SUSD6: variants seen among roughly 807,000 people sequenced by gnomAD.
SUSD6 encodes sushi domain containing 6.
In SUSD6, 16 loss-of-function variants were observed where a neutral mutation model predicts 28.4. The observed-to-expected ratio is 0.56, with a 90% confidence interval of 0.38 to 0.86. The LOEUF (loss-of-function observed/expected upper bound fraction) is 0.86. Ranked by LOEUF, SUSD6 falls within the 40% of genes least tolerant of loss-of-function variation. The pLI, the probability that SUSD6 is intolerant of heterozygous loss-of-function variation, is 0.00. For synonymous variants in SUSD6, 147 were observed against 159.6 expected (o/e 0.92, Z 0.59); for missense variants, 341 against 384.2 (o/e 0.89, Z 0.94).
At chr14:69,692,463 A>C (rs55959724) in intron 2 of SUSD6, among the ~76,000 whole-genome samples, 5,866 of 152,172 alleles carry the variant, frequency 0.039, 378 homozygotes, top group African/African-American at 0.13. Flanking sequence ...TCCATTACTA[A>C]ATTTTTCAGA....
At chr14:69,634,308 T>C (rs1230729318) in intron 1 of SUSD6, among the ~76,000 whole-genome samples, 2 of 152,228 alleles carry the variant, frequency 1.3e-5, no homozygotes, top group African/African-American at 4.8e-5. Flanking sequence ...TTTATTTGTA[T>C]TATTGGCACT....
intron 2 of SUSD6, among the ~76,000 whole-genome samples, chr14:69,662,226 A>G (rs1389105948): frequency 6.6e-6 from 1 of 152,196 alleles, no homozygotes; most frequent in Non-Finnish European, 1.5e-5. Flanking sequence ...GTGTACAGGC[A>G]CATTCATGAC....
chr14:69,670,406 A>G (rs1425543114), intron 2 of SUSD6: 3 of 455,662 alleles, frequency 6.6e-6, no homozygotes, highest in Non-Finnish European at 8.8e-6. Context: ...TCAGGAAAGT[A>G]CTGCACTACA....
intron 2 of SUSD6, among the ~76,000 whole-genome samples, chr14:69,689,573 A>G (rs538960800): frequency 1.3e-5 from 2 of 152,310 alleles, no homozygotes; most frequent in East Asian, 3.9e-4. Flanking sequence ...AGCCTAACAC[A>G]TAGTGCTTAA....
At chr14:69,627,407 C>G (rs899438840) in intron 1 of SUSD6, among the ~76,000 whole-genome samples, 1 of 152,212 alleles carries the variant, frequency 6.6e-6, no homozygotes, top group Non-Finnish European at 1.5e-5. Context: ...TAGGGACATA[C>G]TGTAGGCAGT....
intron 2 of SUSD6, among the ~76,000 whole-genome samples, chr14:69,689,167 C>A (rs1407891844): frequency 1.3e-5 from 2 of 152,210 alleles, no homozygotes; most frequent in African/African-American, 4.8e-5. Flanking sequence ...TTTCTACAAT[C>A]TTCTTTGGTC....
chr14:69,614,697 C>T (rs1247196533), intron 1 of SUSD6, among the ~76,000 whole-genome samples: 2 of 152,066 alleles, frequency 1.3e-5, no homozygotes, highest in East Asian at 1.9e-4. Context: ...GGGAGAAATA[C>T]AGCATCTTTA....
At chr14:69,682,550 AAAAC>A (rs1886011899) in intron 2 of SUSD6, among the ~76,000 whole-genome samples, 1 of 152,200 alleles carries the variant, frequency 6.6e-6, no homozygotes, top group African/African-American at 2.4e-5. Flanking sequence ...CAATTAAAAA[AAAAC>A]AGAGTATAGT....
rs115843875 is a variant in SUSD6 at position 69,703,712 on chromosome 14, T to C, written c.319+120T>C. 1,375 of 858,930 alleles carry C rather than the reference T, an allele frequency of 1.6e-3. 13 individuals are homozygous for C. The African/African-American group carries it at 0.021, about 13-fold the overall frequency. 53.2% of individuals were successfully genotyped at this position (858,930 alleles called of 1,614,324 possible). A position where few individuals can be genotyped will look rare whatever the true frequency, so the allele number is the denominator to read the frequency against. ...TGTGGTGCAGCCCAGCCCCAGTTGA[T>C]GCTCTGCAGCCTCCCTTCCTTGGGT... On this transcript the variant is annotated intron_variant, in intron 3 of 5. Transcript: ENST00000342745.
intron 1 of SUSD6, among the ~76,000 whole-genome samples, chr14:69,629,294 A>T (rs1885160450): frequency 6.6e-6 from 1 of 152,128 alleles, no homozygotes; most frequent in Admixed American, 6.5e-5. Flanking sequence ...GATGGACCAG[A>T]GGAGCCTGGA....
chr14:69,704,297 G>A (rs551470056), intron 3 of SUSD6, among the ~76,000 whole-genome samples: 1 of 152,294 alleles, frequency 6.6e-6, no homozygotes, highest in East Asian at 1.9e-4. Context: ...AAGCTTTTGA[G>A]GATGGGATCA....
At chr14:69,710,319 T>A (rs888601367) in intron 5 of SUSD6, among the ~76,000 whole-genome samples, 12 of 152,318 alleles carry the variant, frequency 7.9e-5, no homozygotes, top group African/African-American at 2.6e-4. Context: ...TCAGGGGTGA[T>A]ACAGAGAAAT....
At chr14:69,642,174 A>C (rs1277594905) in intron 1 of SUSD6, among the ~76,000 whole-genome samples, 3 of 152,146 alleles carry the variant, frequency 2.0e-5, no homozygotes, top group Non-Finnish European at 4.4e-5. Context: ...TATTTTTTAA[A>C]ATACTTTTGG....
intron 2 of SUSD6, among the ~76,000 whole-genome samples, chr14:69,677,842 G>A (rs1323041825): frequency 2.0e-5 from 3 of 152,274 alleles, no homozygotes; most frequent in East Asian, 1.9e-4. Flanking sequence ...TAGGTTGGAG[G>A]CATTGTAAAA....
At chr14:69,702,248 G>A (rs1446247374) in intron 2 of SUSD6, among the ~76,000 whole-genome samples, 1 of 152,198 alleles carries the variant, frequency 6.6e-6, no homozygotes, top group Non-Finnish European at 1.5e-5. Context: ...GGTCTTTATT[G>A]CATTCATGGT....
intron 1 of SUSD6, among the ~76,000 whole-genome samples, chr14:69,635,148 A>G (rs1003847181): frequency 2.0e-5 from 3 of 152,206 alleles, no homozygotes; most frequent in Admixed American, 6.5e-5. Context: ...AGTTCTTTCT[A>G]AGGCTCCCAG....
intron 1 of SUSD6, among the ~76,000 whole-genome samples, chr14:69,620,886 A>AG (rs1491281146): frequency 9.2e-5 from 14 of 152,224 alleles, no homozygotes; most frequent in Admixed American, 9.2e-4. Context: ...AAGGGGAATA[A>AG]GAGGATCAGT....
intron 1 of SUSD6, among the ~76,000 whole-genome samples, chr14:69,637,334 AC>A (rs1366346725): frequency 6.6e-6 from 1 of 151,850 alleles, no homozygotes; most frequent in African/African-American, 2.4e-5. Context: ...GTTCTTCCTG[AC>A]CTTACCTGAG....
At chr14:69,671,156 A>G (rs1885826197) in intron 2 of SUSD6, among the ~76,000 whole-genome samples, 2 of 152,350 alleles carry the variant, frequency 1.3e-5, no homozygotes, top group Admixed American at 1.3e-4. Flanking sequence ...AGGAGGAAGA[A>G]GAGAAACAAG....
Sources: allele counts gnomAD v4.1 joint callset (sites outside exome capture counted in the v4.1 genomes callset), GRCh38; gene constraint gnomAD v4.1.1; transcripts MANE v1.5; gene names NCBI Gene and HGNC (gene_info 2026-07-23, HGNC 2026-07-21).